Variants in COG6 observed in about 807,000 individuals in gnomAD.
COG6 encodes component of oligomeric golgi complex 6.
A neutral mutation model predicts 88.8 loss-of-function variants in COG6; 74 were observed. The ratio of observed to expected loss-of-function variants is 0.83; its 90% CI spans 0.69 to 1.01. The LOEUF (loss-of-function observed/expected upper bound fraction) is 1.01, where lower values mean the gene tolerates loss of function less well. COG6 is among the 50% of genes least tolerant of loss of function. COG6 has a pLI of 0.00. For missense variants in COG6, 800 were observed against 797.9 expected, an observed-to-expected ratio of 1.00 and a Z score of -0.03; for synonymous variants, 286 against 278.7, an observed-to-expected ratio of 1.03 and a Z score of -0.26.
Position 39,752,537 on chromosome 13 carries a change from T to C in COG6, c.*1444T>C. 18 of 1,229,830 alleles carry C rather than the reference T, an allele frequency of 1.5e-5. No individual in the cohort carries two copies. Among genetic ancestry groups the C allele is most frequent in the Non-Finnish European group, 1.9e-5 (18 of 942,990 alleles). The allele number at this position is 1,229,830 out of a possible 1,614,324, so 76.2% of individuals were successfully genotyped here. ...AATTTATTTCTACAGAGAAAGAAGA[T>C]TGATACCTTGCTATGAGTGAATTCC... On this transcript the variant is annotated 3_prime_UTR_variant, in exon 19 of 19. Coordinates refer to ENST00000455146, the MANE Select transcript of COG6 (RefSeq NM_020751.3).
At chr13:39,732,020 C>T (rs1481589398) in intron 18 of COG6, among the ~76,000 whole-genome samples, 1 of 152,084 alleles carries the variant, frequency 6.6e-6, no homozygotes, top group Non-Finnish European at 1.5e-5. Flanking sequence ...ATTTGCTGTT[C>T]TTCTGCCTTT....
chr13:39,673,376 A>C (rs1430797893), intron 4 of COG6, among the ~76,000 whole-genome samples: 1 of 152,060 alleles, frequency 6.6e-6, no homozygotes, highest in Non-Finnish European at 1.5e-5. Context: ...ATGGTACTGG[A>C]AATGCTGACA....
chr13:39,735,119 G>A (rs189895857), intron 18 of COG6, among the ~76,000 whole-genome samples: 6 of 151,662 alleles, frequency 4.0e-5, no homozygotes, highest in Non-Finnish European at 7.4e-5. Context: ...TTACTGATAA[G>A]GACTTACTCT....
Position 39,750,982 on chromosome 13 carries a change from C to T in COG6, c.1863C>T (p.Cys621=), listed in dbSNP as rs149343676. 3 of 1,613,406 alleles carry T rather than the reference C, an allele frequency of 1.9e-6. No individual in the cohort carries two copies. Among genetic ancestry groups the T allele is most frequent in the African/African-American group, 2.7e-5 (2 of 74,876 alleles). Residue 621 remains cysteine, a synonymous_variant, in exon 19 of 19, where the codon TGC becomes TGT. Coordinates refer to ENST00000455146, the MANE Select transcript of COG6 (RefSeq NM_020751.3). ...TAAAACAATCTACAGAATTAGTCTG[C>T]AGAGCCTATGGTGAAGTGTATGCAG... ...QIVKQSTELV[C]RAYGEVYAAV... is the part of the protein sequence containing the mutation.
At chr13:39,664,324 A>G (rs959382270) in intron 3 of COG6, among the ~76,000 whole-genome samples, 2 of 152,078 alleles carry the variant, frequency 1.3e-5, no homozygotes, top group African/African-American at 4.8e-5. Flanking sequence ...CTCATTTAAT[A>G]TTTCTTCAAG....
At chr13:39,656,660 A>C (rs912283725) in intron 1 of COG6, among the ~76,000 whole-genome samples, 1 of 152,164 alleles carries the variant, frequency 6.6e-6, no homozygotes, top group Non-Finnish European at 1.5e-5. Context: ...AGGTAACTGA[A>C]AATAAGCTGT....
intron 18 of COG6, among the ~76,000 whole-genome samples, chr13:39,739,259 T>C (rs1879923064): frequency 7.9e-5 from 12 of 152,152 alleles, no homozygotes; most frequent in Admixed American, 7.2e-4. Context: ...CTAAATCAGT[T>C]TTTACAATGA....
chr13:39,666,580 T>C (rs752099513), intron 4 of COG6, among the ~76,000 whole-genome samples: 5 of 90,980 alleles, frequency 5.5e-5, no homozygotes, highest in Non-Finnish European at 1.1e-4. Context: ...TTACATCCAC[T>C]GATCTTGACA....
At chr13:39,754,878 A>G (rs1880783609), downstream of COG6, among the ~76,000 whole-genome samples, 1 of 151,780 alleles carries the variant, frequency 6.6e-6, no homozygotes, top group African/African-American at 2.4e-5. Context: ...AACTAATATC[A>G]TCCTTTATAA....
chr13:39,771,650 T>A (rs996861002), intron 18 of COG6, among the ~76,000 whole-genome samples: 1 of 152,250 alleles, frequency 6.6e-6, no homozygotes, highest in African/African-American at 2.4e-5. Context: ...CTGAGGAAGA[T>A]AATACAAATA....
chr13:39,690,717 A>G (rs531309527), intron 11 of COG6, among the ~76,000 whole-genome samples: 3 of 152,054 alleles, frequency 2.0e-5, no homozygotes, highest in South Asian at 4.1e-4. Flanking sequence ...CAGATGACAC[A>G]CTTGGTGACA....
At chr13:39,713,473 C>A (rs1055909467) in intron 13 of COG6, among the ~76,000 whole-genome samples, 1 of 152,158 alleles carries the variant, frequency 6.6e-6, no homozygotes, top group Non-Finnish European at 1.5e-5. Context: ...CGGTGGCTCA[C>A]GCCTGTAATC....
chr13:39,791,622 A>T (rs759408445), exon 19 of COG6: 3 of 152,086 alleles, frequency 2.0e-5, no homozygotes, highest in South Asian at 2.1e-4. Context: ...CTGCTGAATA[A>T]AACGAGGCAA....
intron 18 of COG6, among the ~76,000 whole-genome samples, chr13:39,732,389 G>A (rs764297547): frequency 1.3e-5 from 2 of 152,150 alleles, no homozygotes; most frequent in African/African-American, 2.4e-5. Context: ...GTGATAAAAT[G>A]CTATTGCAGT....
intron 18 of COG6, 147 bp from the exon 19 acceptor site, chr13:39,750,799 G>C (rs989854354): frequency 3.1e-6 from 2 of 636,524 alleles, no homozygotes; most frequent in South Asian, 1.9e-5. Flanking sequence ...AGGATTAACT[G>C]TGTAGCCATA....
chr13:39,758,243 T>A (rs11620084), intron 18 of COG6, among the ~76,000 whole-genome samples: 67,913 of 131,344 alleles, frequency 0.52, 17,033 homozygotes, highest in South Asian at 0.7. Context: ...AAAAAAAAAA[T>A]GACGAGCTGG....
At chr13:39,776,390 A>G (rs545241555) in intron 18 of COG6, among the ~76,000 whole-genome samples, 4 of 152,372 alleles carry the variant, frequency 2.6e-5, no homozygotes, top group East Asian at 1.9e-4. Flanking sequence ...TATTTCCAAT[A>G]TAGACCTAAT....
chr13:39,661,747 G>T (rs1258352729), intron 3 of COG6, among the ~76,000 whole-genome samples: 1 of 151,082 alleles, frequency 6.6e-6, no homozygotes, highest in Non-Finnish European at 1.5e-5. Flanking sequence ...AATTATTAAT[G>T]GCCATTTCAC....
At chr13:39,735,767 C>A (rs1593461998) in intron 18 of COG6, among the ~76,000 whole-genome samples, 1 of 115,694 alleles carries the variant, frequency 8.6e-6, no homozygotes, top group African/African-American at 3.3e-5. Context: ...TTTATAAGAT[C>A]TTTTCACTGG....
Sources: allele counts gnomAD v4.1 joint callset (sites outside exome capture counted in the v4.1 genomes callset), GRCh38; gene constraint gnomAD v4.1.1; transcripts MANE v1.5; gene names NCBI Gene and HGNC (gene_info 2026-07-23, HGNC 2026-07-21).